PAK6: variants seen among roughly 807,000 people sequenced by gnomAD.
PAK6 encodes p21 (RAC1) activated kinase 6.
Under a neutral mutation model 60.8 loss-of-function variants are expected in PAK6, and 33 were observed. The observed-to-expected ratio is 0.54, with a 90% CI of 0.41 to 0.73. The LOEUF is 0.73. PAK6 is among the 30% of genes least tolerant of loss of function. The pLI is 0.00. For missense variants in PAK6, 845 were observed against 904.1 expected, an observed-to-expected ratio of 0.93 and a Z score of 0.84; for synonymous variants, 404 against 378.5, an observed-to-expected ratio of 1.07 and a Z score of -0.78.
intron 2 of PAK6, among the ~76,000 whole-genome samples, chr15:40,248,081 A>T (rs1459622462): frequency 1.3e-5 from 2 of 152,074 alleles, no homozygotes; most frequent in African/African-American, 2.4e-5. Context: ...GCATCAGGAA[A>T]CTGAGGCCAG....
At chr15:40,247,646 G>A (rs922046963) in intron 2 of PAK6, among the ~76,000 whole-genome samples, 8 of 152,148 alleles carry the variant, frequency 5.3e-5, no homozygotes, top group Non-Finnish European at 1.2e-4. Context: ...AGAGAGGCTC[G>A]AGGTTCTGCT....
intron 5 of PAK6, among the ~76,000 whole-genome samples, chr15:40,270,019 C>G (rs1316351719): frequency 6.6e-6 from 1 of 152,224 alleles, no homozygotes; most frequent in African/African-American, 2.4e-5. Flanking sequence ...TCAGGAGGAG[C>G]TTTAGGTGGT....
intron 3 of PAK6, among the ~76,000 whole-genome samples, chr15:40,258,260 G>A (rs989536498): frequency 2.0e-5 from 3 of 152,192 alleles, no homozygotes; most frequent in East Asian, 1.9e-4. Context: ...CATACCTCAC[G>A]CACATCTTGC....
chr15:40,276,749 CGTGTGTGTGTGTGTGTGTGTGT>C (rs58716292), exon 11 of PAK6: 6 of 134,514 alleles, frequency 4.5e-5, no homozygotes, highest in African/African-American at 8.3e-5. Flanking sequence ...GAGAGAACAT[CGTGTGTGTGTGTGTGTGTGTGT>C]GTGTGTGTGT....
chr15:40,272,472 C>G, exon 6 of PAK6: 1 of 1,613,812 alleles, frequency 6.2e-7, no homozygotes, highest in Non-Finnish European at 8.5e-7. Flanking sequence ...TGCCCCAGGA[C>G]CCCACGGTTG....
chr15:40,255,435 C>T (rs1258011537), intron 3 of PAK6, among the ~76,000 whole-genome samples: 1 of 152,172 alleles, frequency 6.6e-6, no homozygotes, highest in Non-Finnish European at 1.5e-5. Context: ...ACAGCAGAGC[C>T]TCAGGGTCCT....
chr15:40,249,294 T>C (rs1417790160), intron 2 of PAK6, among the ~76,000 whole-genome samples: 1 of 144,236 alleles, frequency 6.9e-6, no homozygotes. Context: ...TTGGGGGACA[T>C]AGGTTTCAAC....
rs562965278 is a variant in PAK6, at chr15:40,265,885, C to A, written c.248C>A (p.Ser83Ter). Residue 83 changes from serine to a stop codon, truncating the protein, a stop_gained, in exon 5 of 11, where the codon TCG becomes TAG. Coordinates refer to ENST00000560346, the Ensembl canonical transcript of PAK6. LOFTEE classifies it high-confidence loss of function. ...GCGATGCCTGTGGATGGCTACATCT[C>A]GGGGCTGCTCAACGACATCCAGAAG... is the stretch of plus-strand genomic sequence containing the variant. 6.4e-7 allele frequency: 1 copy of A among 1,570,524 alleles called. No homozygotes were observed. Among genetic ancestry groups the A allele is most frequent in the Non-Finnish European group, 8.7e-7 (1 of 1,154,612 alleles).
At chr15:40,266,320 G>A (rs1305992289) in exon 5 of PAK6, 15 of 1,611,896 alleles carry the variant, frequency 9.3e-6, no homozygotes, top group African/African-American at 1.3e-5. Flanking sequence ...GAGGAGGCCC[G>A]GCCACAGTCC....
At chr15:40,264,262 T>C (rs2039059762) in intron 3 of PAK6, among the ~76,000 whole-genome samples, 2 of 152,170 alleles carry the variant, frequency 1.3e-5, no homozygotes, top group Non-Finnish European at 1.5e-5. Context: ...TTTAATATAC[T>C]GTTGGATTCA....
At chr15:40,273,146 G>T in intron 7 of PAK6, 147 bp downstream of exon 7, 1 of 1,206,154 alleles carries the variant, frequency 8.3e-7, no homozygotes, top group Non-Finnish European at 1.1e-6. Flanking sequence ...CAGGGGTCTT[G>T]GGAGTGGAGA....
chr15:40,252,702 C>T (rs756301801), intron 2 of PAK6: 2 of 1,305,396 alleles, frequency 1.5e-6, no homozygotes, highest in African/African-American at 1.5e-5. Flanking sequence ...GTGGGTTCCC[C>T]GGCTGCCCCG....
intron 5 of PAK6, among the ~76,000 whole-genome samples, chr15:40,271,168 C>G (rs757900025): frequency 6.6e-6 from 1 of 152,206 alleles, no homozygotes; most frequent in East Asian, 1.9e-4. Context: ...TTTAAAAACA[C>G]GTAATCCCTG....
chr15:40,273,348 T>G (rs752752648), exon 8 of PAK6: 1 of 1,613,660 alleles, frequency 6.2e-7, no homozygotes, highest in Non-Finnish European at 8.5e-7. Context: ...CTGTCCAGGC[T>G]GAATGAGGAG....
At chr15:40,252,848 G>A in intron 2 of PAK6, 2 of 1,275,196 alleles carry the variant, frequency 1.6e-6, no homozygotes, top group Non-Finnish European at 2.0e-6. Flanking sequence ...CGTCCCTGGA[G>A]CGGGACCTCC....
intron 3 of PAK6, among the ~76,000 whole-genome samples, chr15:40,261,395 G>A (rs1204586854): frequency 1.3e-5 from 2 of 151,842 alleles, no homozygotes; most frequent in Non-Finnish European, 1.5e-5. Context: ...AAATTAGCTG[G>A]GCGTGATGGC....
chr15:40,273,431 G>A (rs1335857151), exon 8 of PAK6: 1 of 1,613,840 alleles, frequency 6.2e-7, no homozygotes, highest in Non-Finnish European at 8.5e-7. Context: ...CATCCACCGG[G>A]ACATCAAGAG....
In PAK6 at chr15:40,272,607, C is replaced by T. The variant is rs555138176; in HGVS notation, c.1242C>T (p.Gly414=). The T allele has an allele frequency of 2.0e-5, 32 of 1,612,078 alleles. No individual in the cohort carries two copies. The highest frequency in any genetic ancestry group is 2.3e-5 in the Non-Finnish European group (27 of 1,179,972). ...TGCTGGACAGCTACGTGAAGATTGGCGAGGGCTCCACCGGCATCGTCTGCT... is the reference window on the plus strand; with the variant it reads ...TGCTGGACAGCTACGTGAAGATTGGTGAGGGCTCCACCGGCATCGTCTGCT... The change falls in exon 6 of 11, where the codon GGC becomes GGT. Residue 414 remains glycine, a synonymous_variant. Transcript: ENST00000560346.
chr15:40,277,127 G>A (rs1376524273), exon 11 of PAK6: 1 of 152,178 alleles, frequency 6.6e-6, no homozygotes, highest in African/African-American at 2.4e-5. Context: ...ACCCTATCTG[G>A]GAGAGAAGGC....
Sources: gnomAD v4.1 joint callset for allele counts (sites outside exome capture counted in the v4.1 genomes callset) on GRCh38, gnomAD v4.1.1 for gene constraint, MANE v1.5 for transcripts, NCBI Gene and HGNC (gene_info 2026-07-23, HGNC 2026-07-21) for gene names.